The following TFF3 variants were observed in gnomAD, a reference collection of about 807,000 sequenced individuals.
TFF3 encodes trefoil factor 3.
TFF3 carries 6 observed loss-of-function variants against 9.7 expected under a neutral mutation model. The ratio of observed to expected loss-of-function variants is 0.62; its 90% CI spans 0.34 to 1.22. The LOEUF is 1.22. Ranked by LOEUF, TFF3 falls within the 50% of genes most tolerant of loss-of-function variation. The pLI is 0.04. For missense variants in TFF3, 93 were observed against 98.6 expected (o/e 0.94, Z 0.24); for synonymous variants, 48 against 41.4 (o/e 1.16, Z -0.61).
In TFF3 at chr21:42,313,604, T is replaced by C; in HGVS notation, c.110A>G (p.Lys37Arg). 1.2e-6 allele frequency: 2 copies of C among 1,610,716 alleles called. No homozygotes were observed. Residue 37 changes from lysine to arginine, a missense_variant, in exon 2 of 3, where the codon AAG becomes AGG. By Grantham distance (26) the Lys-to-Arg change is conservative. Transcript: ENST00000518498. This position sits in a 1 kb window ranked among gnomAD's most constrained non-coding sequence, Gnocchi z 4.0. ...LSANQCAVPA[K>R]DRVDCGYPHV... ...GGGGTAGCCGCAGTCCACCCTGTCC[T>C]TGGCTGGCACGGCACACTGGTTTGC...
rs2069341040 is a variant in TFF3, at chr21:42,313,291, G to A, written c.229+194C>T. ...ATTGCTTTTATGTTTTACATAAAGG[G>A]GACAGAAGAGGACAGCCCCTGGCCA... is the stretch of plus-strand genomic sequence containing the variant. On this transcript the variant is annotated intron_variant, in intron 2 of 2. Coordinates refer to ENST00000518498, the MANE Select transcript of TFF3 (RefSeq NM_003226.4). This position sits in a 1 kb window ranked among gnomAD's most constrained non-coding sequence, Gnocchi z 4.0. Among the ~76,000 whole-genome samples, 1 of 152,140 alleles carries A rather than the reference G, an allele frequency of 6.6e-6. No individual in the cohort carries two copies. Among genetic ancestry groups the A allele is most frequent in the Non-Finnish European group, 1.5e-5 (1 of 68,016 alleles).
At chr21:42,312,823 C>T (rs1162066531) in intron 2 of TFF3, among the ~76,000 whole-genome samples, 1 of 152,160 alleles carries the variant, frequency 6.6e-6, no homozygotes, top group Non-Finnish European at 1.5e-5. Flanking sequence ...GGCACTTGGA[C>T]ATGGCAGATG....
intron 2 of TFF3, among the ~76,000 whole-genome samples, chr21:42,312,859 G>A (rs1278591908): frequency 2.0e-5 from 3 of 152,170 alleles, no homozygotes; most frequent in Admixed American, 6.5e-5. Flanking sequence ...CCCCACCCAC[G>A]ATGTGGGGCA....
chr21:42,313,871 C>T lies in TFF3; in HGVS notation c.83-240G>A, dbSNP rs1225281386. Among the ~76,000 whole-genome samples, 4 of 152,156 alleles carry T rather than the reference C, an allele frequency of 2.6e-5. No individual in the cohort carries two copies. Among genetic ancestry groups the T allele is most frequent in the Admixed American group, 6.5e-5 (1 of 15,282 alleles). On this transcript the variant is annotated intron_variant, in intron 1 of 2. Coordinates refer to ENST00000518498, the MANE Select transcript of TFF3 (RefSeq NM_003226.4). The surrounding 1 kb of genome is among the most constrained non-coding windows in gnomAD (Gnocchi z 4.0). ...TGCCTAAGTGTCTTTCTCCTTGGCA[C>T]GCTCTTATCACCTTCTCGGGAAGTC...
At chr21:42,315,200 G>A in intron 1 of TFF3, 93 bp downstream of exon 1, 1 of 1,462,350 alleles carries the variant, frequency 6.8e-7, no homozygotes. Context: ...TGTGACAGGT[G>A]GCCATTATTA....
chr21:42,314,005 C>A lies in TFF3; in HGVS notation c.83-374G>T, dbSNP rs185789617. ...CATTGTTTGACCAACAAAACCTTGCCCCTTTGTTTTAAATGAAAACCGTGA... is the reference window on the plus strand; with the variant it reads ...CATTGTTTGACCAACAAAACCTTGCACCTTTGTTTTAAATGAAAACCGTGA... On this transcript the variant is annotated intron_variant, in intron 1 of 2. Coordinates refer to ENST00000518498, the MANE Select transcript of TFF3 (RefSeq NM_003226.4). 2.9e-3 allele frequency among the ~76,000 whole-genome samples: 445 copies of A among 152,254 alleles called. 5 individuals carry two copies. Among genetic ancestry groups the A allele is most frequent in the Non-Finnish European group, 5.2e-3 (354 of 68,018 alleles).
chr21:42,315,322 G>T lies in TFF3; in HGVS notation c.53C>A (p.Ser18Tyr). 1 of 1,614,028 alleles carries T rather than the reference G, an allele frequency of 6.2e-7. No individual in the cohort carries two copies. Among genetic ancestry groups the T allele is most frequent in the Non-Finnish European group, 8.5e-7 (1 of 1,180,008 alleles). ...MLGLVLALLS[S>Y]SSAEEYVGLS... is the part of the protein sequence containing the mutation. ...GCCCACGTACTCCTCAGCAGAGCTGGAGGACAGCAAGGCCAGGACCAGCCC... is the reference window on the plus strand; with the variant it reads ...GCCCACGTACTCCTCAGCAGAGCTGTAGGACAGCAAGGCCAGGACCAGCCC... The change falls in exon 1 of 3, where the codon TCC (serine) becomes TAC (tyrosine). Residue 18 changes from serine (S) to tyrosine (Y), a missense_variant. By Grantham distance (144) the Ser-to-Tyr change is moderately radical. Coordinates refer to ENST00000518498, the MANE Select transcript of TFF3 (RefSeq NM_003226.4).
In TFF3 at chr21:42,315,255, G is replaced by A. The variant is rs72561494; in HGVS notation, c.82+38C>T. 1,656 of 1,594,972 alleles carry A rather than the reference G, an allele frequency of 1.0e-3. 11 individuals are homozygous for A. The African/African-American group carries it at 0.019, about 18-fold the overall frequency. On this transcript the variant is annotated intron_variant, in intron 1 of 2. Transcript: ENST00000518498. Reference sequence around the variant, plus strand: ...CTTATCCTGGATCCCTTCCCTTCACGCCCACCCTGCCACCGGGGCAGTCAG... The same window carrying A: ...CTTATCCTGGATCCCTTCCCTTCACACCCACCCTGCCACCGGGGCAGTCAG...
At chr21:42,314,419 C>G (rs1034318618) in intron 1 of TFF3, among the ~76,000 whole-genome samples, 6 of 152,074 alleles carry the variant, frequency 3.9e-5, no homozygotes, top group African/African-American at 1.4e-4. Flanking sequence ...TTTGGGAGGC[C>G]AAGGCAGGAG....
chr21:42,314,759 C>T (rs1157673001), intron 1 of TFF3, among the ~76,000 whole-genome samples: 1 of 152,186 alleles, frequency 6.6e-6, no homozygotes, highest in African/African-American at 2.4e-5. Flanking sequence ...TAATGGGCTG[C>T]AAGTTCGGGA....
At chr21:42,315,173 G>T in intron 1 of TFF3, 120 bp downstream of exon 1, 5 of 1,331,774 alleles carry the variant, frequency 3.8e-6, no homozygotes, top group Non-Finnish European at 5.0e-6. Flanking sequence ...AAGGGCTAGC[G>T]CAGGAAAAAG....
chr21:42,311,905 G>A lies in TFF3; in HGVS notation c.*351C>T. 1 of 493,728 alleles carries A rather than the reference G, an allele frequency of 2.0e-6. No homozygotes were observed. Among genetic ancestry groups the A allele is most frequent in the South Asian group, 2.2e-5 (1 of 46,350 alleles). 30.6% of individuals were successfully genotyped at this position (493,728 alleles called of 1,614,324 possible). ...GTTCCTAGGCTTTCCTGTGACGTGG[G>A]TGCCAGTCTGGATTCAAAATATCCT... is the stretch of plus-strand genomic sequence containing the variant. On this transcript the variant is annotated 3_prime_UTR_variant, in exon 3 of 3. Transcript: ENST00000518498.
Position 42,311,949 on chromosome 21 carries a change from T to C in TFF3, c.*307A>G. 6.6e-6 allele frequency: 4 copies of C among 603,560 alleles called. No individual in the cohort carries two copies. The South Asian group carries it at 7.5e-5, about 11-fold the overall frequency. The allele number at this position is 603,560 out of a possible 1,614,324, so 37.4% of individuals were successfully genotyped here. A position where few individuals can be genotyped will look rare whatever the true frequency, so the allele number is the denominator to read the frequency against. On this transcript the variant is annotated 3_prime_UTR_variant, in exon 3 of 3. Coordinates refer to ENST00000518498, the MANE Select transcript of TFF3 (RefSeq NM_003226.4). ...ATATCCTTGCATGCACTGCAGCTCC[T>C]TAGGGAGTCTTTTCCTGCCCTTGAG...
chr21:42,315,120 G>A (rs1357606984), intron 1 of TFF3, among the ~76,000 whole-genome samples, 173 bp downstream of exon 1: 2 of 152,314 alleles, frequency 1.3e-5, no homozygotes, highest in South Asian at 2.1e-4. Context: ...TCTGAGCCTC[G>A]GTTTCCTTGT....
rs896320131 is a variant in TFF3, at chr21:42,312,016, A to G, written c.*240T>C. On this transcript the variant is annotated 3_prime_UTR_variant, in exon 3 of 3. Transcript: ENST00000518498. The stretch of plus-strand genomic sequence containing the variant: ...CCCTGACACCCTCCCGCCCTCTCCC[A>G]CGACGCAGCAGAAATAAAGCACAAC... The G allele has an allele frequency of 1.5e-6, 1 of 680,914 alleles. No individual in the cohort carries two copies. The highest frequency in any genetic ancestry group is 2.7e-6 in the Non-Finnish European group (1 of 368,718). The allele number at this position is 680,914 out of a possible 1,614,324, so 42.2% of individuals were successfully genotyped here. A position where few individuals can be genotyped will look rare whatever the true frequency, so the allele number is the denominator to read the frequency against.
rs148922645 is a variant in TFF3 at position 42,312,205 on chromosome 21, C to G, written c.*51G>C. On this transcript the variant is annotated 3_prime_UTR_variant, in exon 3 of 3. Coordinates refer to ENST00000518498, the MANE Select transcript of TFF3 (RefSeq NM_003226.4). ...GTGCCTGGCAGCAATCACAGCCGGG[C>G]AAGGGTGCTCCGAGCCTCGCATCCC... 18 of 1,613,624 alleles carry G rather than the reference C, an allele frequency of 1.1e-5. No individual in the cohort carries two copies. Among genetic ancestry groups the G allele is most frequent in the Non-Finnish European group, 1.4e-5 (17 of 1,179,724 alleles).
rs918696724 is a variant in TFF3 at position 42,311,840 on chromosome 21, T to C, written c.*416A>G. ...GATTTTTGAAAACTTCTACCTGAAA[T>C]GTATTTTTTCTGCTTTCCCGAGGAA... On this transcript the variant is annotated 3_prime_UTR_variant, in exon 3 of 3. Transcript: ENST00000518498. 6.1e-5 allele frequency: 20 copies of C among 326,204 alleles called. No homozygotes were observed. Among genetic ancestry groups the C allele is most frequent in the African/African-American group, 4.3e-4 (20 of 46,072 alleles). 20.2% of individuals were successfully genotyped at this position (326,204 alleles called of 1,614,324 possible).
chr21:42,312,337 A>G (rs1380416978), intron 2 of TFF3, 68 bp from the exon 3 acceptor site: 1 of 1,535,656 alleles, frequency 6.5e-7, no homozygotes, highest in Non-Finnish European at 8.7e-7. Flanking sequence ...TCCCAAGGTC[A>G]GGGCAGGCTC....
chr21:42,313,629 C>T lies in TFF3; in HGVS notation c.85G>A (p.Ala29Thr). The change falls in exon 2 of 3, where the codon GCA (alanine) becomes ACA (threonine). Residue 29 changes from alanine (A) to threonine (T), a missense_variant and splice_region_variant. Physicochemically the swap from Ala to Thr is moderately conservative, Grantham distance 58 (BLOSUM62 0). Coordinates refer to ENST00000518498, the MANE Select transcript of TFF3 (RefSeq NM_003226.4). The surrounding 1 kb of genome is among the most constrained non-coding windows in gnomAD (Gnocchi z 4.0). ...TTGGCTGGCACGGCACACTGGTTTG[C>T]AGCTGTCCCAGACAAAGCCCTGTCA... Reference protein sequence around the residue: ...SSAEEYVGLSANQCAVPAKDR... With the variant: ...SSAEEYVGLSTNQCAVPAKDR... The T allele has an allele frequency of 1.2e-6, 2 of 1,608,502 alleles. No homozygotes were observed. Among genetic ancestry groups the T allele is most frequent in the Non-Finnish European group, 1.7e-6 (2 of 1,178,314 alleles).
Sources: allele counts gnomAD v4.1 joint callset (sites outside exome capture counted in the v4.1 genomes callset), GRCh38; gene constraint gnomAD v4.1.1; non-coding constraint Gnocchi (gnomAD v3.1); transcripts MANE v1.5; gene names NCBI Gene and HGNC (gene_info 2026-07-23, HGNC 2026-07-21).